Variants in WDR70 observed in about 807,000 individuals in gnomAD.
WDR70 encodes WD repeat domain 70.
Under a neutral mutation model 88.6 loss-of-function variants are expected in WDR70, and 53 were observed. That is an observed-to-expected ratio of 0.60 (90% CI 0.48 to 0.75). The LOEUF (loss-of-function observed/expected upper bound fraction) is 0.75. Ranked by LOEUF, WDR70 falls within the 30% of genes least tolerant of loss-of-function variation. WDR70 has a pLI of 0.00. For missense variants in WDR70, 610 were observed against 823.2 expected, an observed-to-expected ratio of 0.74 and a Z score of 3.17; for synonymous variants, 280 against 270.0, an observed-to-expected ratio of 1.04 and a Z score of -0.36.
At chr5:37,667,803 C>A (rs1745902884) in intron 10 of WDR70, among the ~76,000 whole-genome samples, 1 of 131,772 alleles carries the variant, frequency 7.6e-6, no homozygotes, top group African/African-American at 3.0e-5. Context: ...CCAGTGAGGT[C>A]CAGAGAATGT....
At chr5:37,732,038 T>C (rs955705591) in intron 17 of WDR70, among the ~76,000 whole-genome samples, 1 of 152,172 alleles carries the variant, frequency 6.6e-6, no homozygotes, top group Non-Finnish European at 1.5e-5. Context: ...GTGGTTTTCA[T>C]GTCTGAGATT....
chr5:37,390,991 C>T (rs1002631454), intron 3 of WDR70, among the ~76,000 whole-genome samples: 8 of 152,148 alleles, frequency 5.3e-5, no homozygotes, highest in African/African-American at 1.9e-4. Flanking sequence ...GCTGGGATTA[C>T]AAGCATGAGC....
chr5:37,702,156 T>C (rs770200867), intron 12 of WDR70, among the ~76,000 whole-genome samples: 8 of 152,222 alleles, frequency 5.3e-5, no homozygotes, highest in African/African-American at 1.9e-4. Context: ...TGTATGATAA[T>C]GCAGTACTAA....
intron 10 of WDR70, among the ~76,000 whole-genome samples, chr5:37,672,952 G>C (rs1746072901): frequency 6.6e-6 from 1 of 152,110 alleles, no homozygotes; most frequent in African/African-American, 2.4e-5. Context: ...AGGTAAACTT[G>C]TATCATGGAG....
intron 7 of WDR70, among the ~76,000 whole-genome samples, chr5:37,476,899 C>T (rs13155645): frequency 0.25 from 37,957 of 152,026 alleles, 5,566 homozygotes; most frequent in East Asian, 0.48. Context: ...TGTAGTGACG[C>T]GATCATAGCT....
intron 17 of WDR70, among the ~76,000 whole-genome samples, chr5:37,734,804 A>G (rs951826368): frequency 6.6e-6 from 1 of 152,158 alleles, no homozygotes; most frequent in African/African-American, 2.4e-5. Context: ...CTTCATCTCT[A>G]TGAAAGTGAT....
At chr5:37,517,700 A>G (rs1740930561) in intron 9 of WDR70, among the ~76,000 whole-genome samples, 1 of 144,440 alleles carries the variant, frequency 6.9e-6, no homozygotes, top group African/African-American at 2.5e-5. Flanking sequence ...TTGTGAGTAT[A>G]CAGTAGGTAT....
At chr5:37,422,500 CAG>C (rs1403911019) in intron 5 of WDR70, among the ~76,000 whole-genome samples, 1 of 151,674 alleles carries the variant, frequency 6.6e-6, no homozygotes, top group Admixed American at 6.6e-5. Flanking sequence ...ATTTTTTAGA[CAG>C]AGTCTCACTC....
chr5:37,459,039 T>C (rs1738916420), intron 7 of WDR70, among the ~76,000 whole-genome samples: 1 of 19,740 alleles, frequency 5.1e-5, no homozygotes, highest in Non-Finnish European at 1.4e-4. Flanking sequence ...TTTGTTCTCG[T>C]TGGTTTCAAA....
intron 8 of WDR70, among the ~76,000 whole-genome samples, chr5:37,491,039 A>G (rs1222572096): frequency 6.6e-6 from 1 of 152,022 alleles, no homozygotes; most frequent in Non-Finnish European, 1.5e-5. Flanking sequence ...CGTGGAACCT[A>G]TTGTGAGCTT....
chr5:37,528,239 T>A (rs922534732), intron 9 of WDR70, among the ~76,000 whole-genome samples: 2 of 152,110 alleles, frequency 1.3e-5, no homozygotes, highest in Admixed American at 6.5e-5. Context: ...CAAATGTCCA[T>A]CAATGATAGA....
rs757050354 is a variant in WDR70, at chr5:37,652,170, T to C, written c.1093-45485T>C. ...TTTTCTGCATATGGCTAGCCAGTTT[T>C]CCCAACACCATTTATTACATAGGGA... is the stretch of plus-strand genomic sequence containing the variant. On this transcript the variant is annotated intron_variant, in intron 10 of 17. Transcript: ENST00000265107. 9.5e-4 allele frequency among the ~76,000 whole-genome samples: 144 copies of C among 152,360 alleles called. 1 individual carries two copies. Among genetic ancestry groups the C allele is most frequent in the Non-Finnish European group, 1.8e-3 (120 of 68,028 alleles).
chr5:37,480,867 A>G (rs979645937), intron 8 of WDR70, among the ~76,000 whole-genome samples: 7 of 152,216 alleles, frequency 4.6e-5, no homozygotes, highest in Non-Finnish European at 7.3e-5. Flanking sequence ...CCTTCCACCT[A>G]TGAGCCTGTA....
intron 5 of WDR70, among the ~76,000 whole-genome samples, chr5:37,418,657 A>G (rs1312735241): frequency 2.0e-5 from 3 of 152,216 alleles, no homozygotes; most frequent in African/African-American, 7.2e-5. Context: ...CTATATTCAT[A>G]GAACTCTTGT....
At chr5:37,634,750 A>G in intron 10 of WDR70, among the ~76,000 whole-genome samples, 1 of 152,198 alleles carries the variant, frequency 6.6e-6, no homozygotes, top group African/African-American at 2.4e-5. Context: ...AAATGTTTGT[A>G]TATAAGGAAT....
chr5:37,456,544 A>C (rs570000321), intron 7 of WDR70, among the ~76,000 whole-genome samples: 1 of 152,258 alleles, frequency 6.6e-6, no homozygotes, highest in African/African-American at 2.4e-5. Flanking sequence ...GTTTCCAAAA[A>C]AATTCCACTT....
intron 15 of WDR70, 72 bp from the exon 16 acceptor site, chr5:37,724,862 C>G: frequency 7.7e-7 from 1 of 1,301,042 alleles, no homozygotes. Context: ...TTCAGTTAGT[C>G]ATGCTTTAAC....
intron 7 of WDR70, among the ~76,000 whole-genome samples, chr5:37,453,493 G>A (rs1311849454): frequency 6.6e-6 from 1 of 152,256 alleles, no homozygotes; most frequent in African/African-American, 2.4e-5. Context: ...GTTTAAGAAT[G>A]CCTTTAAGCA....
chr5:37,423,247 A>G (rs180751146), intron 5 of WDR70, among the ~76,000 whole-genome samples: 2 of 152,122 alleles, frequency 1.3e-5, no homozygotes, highest in Admixed American at 1.3e-4. Context: ...GAAGGTTACA[A>G]GTGGAGTTAA....
Sources: gnomAD v4.1 joint callset for allele counts (sites outside exome capture counted in the v4.1 genomes callset) on GRCh38, gnomAD v4.1.1 for gene constraint, MANE v1.5 for transcripts, NCBI Gene and HGNC (gene_info 2026-07-23, HGNC 2026-07-21) for gene names.